Variants in FNDC3A observed in about 807,000 individuals in gnomAD.
FNDC3A encodes fibronectin type III domain containing 3A, also known as fibronectin type-III domain-containing protein 3A.
In FNDC3A, 32 loss-of-function variants were observed where a neutral mutation model predicts 148.9. The ratio of observed to expected loss-of-function variants is 0.21; its 90% CI spans 0.16 to 0.29. The LOEUF (loss-of-function observed/expected upper bound fraction) is 0.29, where lower values mean the gene tolerates loss of function less well. FNDC3A is among the 10% of genes least tolerant of loss of function. The pLI is 1.00. For missense variants in FNDC3A, 1,191 were observed against 1,452.8 expected, an observed-to-expected ratio of 0.82 and a Z score of 2.93; for synonymous variants, 472 against 473.6, an observed-to-expected ratio of 1.00 and a Z score of 0.04.
chr13:48,994,506 C>T (rs1051733781), intron 1 of FNDC3A, among the ~76,000 whole-genome samples: 1 of 152,176 alleles, frequency 6.6e-6, no homozygotes, highest in African/African-American at 2.4e-5. Context: ...TGGTTGAGCG[C>T]AGTGGCTCAC....
rs75222001 is a variant in FNDC3A at position 49,084,073 on chromosome 13, A to G, written c.175+8709A>G. ...TGCTCATGGTAGACCTATAAATAGT[A>G]TATCAACTAGTTAATTTATTAATAC... On this transcript the variant is annotated intron_variant, in intron 3 of 25. Coordinates refer to ENST00000492622, the MANE Select transcript of FNDC3A (RefSeq NM_001079673.2). Among the ~76,000 whole-genome samples, 19 of 152,346 alleles carry G rather than the reference A, an allele frequency of 1.2e-4. No homozygotes were observed. In the East Asian group the frequency reaches 3.5e-3, roughly 28 times the overall value.
At chr13:48,994,430 GGT>G (rs1491578322) in intron 1 of FNDC3A, among the ~76,000 whole-genome samples, 1 of 152,150 alleles carries the variant, frequency 6.6e-6, no homozygotes. Flanking sequence ...GTATGGTAAT[GGT>G]TTTGTAATTA....
intron 8 of FNDC3A, among the ~76,000 whole-genome samples, chr13:49,164,304 T>G (rs1884332674): frequency 6.6e-6 from 1 of 152,204 alleles, no homozygotes; most frequent in African/African-American, 2.4e-5. Flanking sequence ...TTTCTCTTAC[T>G]ATCTTTAGAA....
chr13:49,099,215 A>G (rs1879713601), intron 3 of FNDC3A, among the ~76,000 whole-genome samples: 3 of 152,156 alleles, frequency 2.0e-5, no homozygotes. Flanking sequence ...GTTGACCACC[A>G]TTTTGAATTT....
intron 3 of FNDC3A, among the ~76,000 whole-genome samples, chr13:49,079,598 T>C (rs1175435391): frequency 2.6e-5 from 4 of 152,052 alleles, no homozygotes; most frequent in Non-Finnish European, 4.4e-5. Context: ...CACAAAGAGA[T>C]TGGAATTGCT....
At chr13:49,175,110 TA>T (rs1166510026) in intron 12 of FNDC3A, among the ~76,000 whole-genome samples, 12 of 152,326 alleles carry the variant, frequency 7.9e-5, no homozygotes, top group East Asian at 3.9e-4. Context: ...GTAATGTGTA[TA>T]TTTTTTCATT....
At chr13:49,061,329 C>T (rs1439895472) in intron 2 of FNDC3A, among the ~76,000 whole-genome samples, 1 of 1,250 alleles carries the variant, frequency 8.0e-4, no homozygotes, top group Non-Finnish European at 1.5e-3. Flanking sequence ...CTTCCCTTCC[C>T]TTCCCTTCCC....
chr13:49,007,742 G>A (rs1443611380), intron 2 of FNDC3A, among the ~76,000 whole-genome samples: 1 of 152,026 alleles, frequency 6.6e-6, no homozygotes, highest in African/African-American at 2.4e-5. Context: ...TATAGAGAAA[G>A]GATCTGGGAA....
At chr13:49,139,630 G>C (rs1449212842) in intron 7 of FNDC3A, among the ~76,000 whole-genome samples, 1 of 152,112 alleles carries the variant, frequency 6.6e-6, no homozygotes, top group Non-Finnish European at 1.5e-5. Context: ...CCAAATAATA[G>C]ATTTGGTTGC....
At position 49,150,136 on chromosome 13, in the gene FNDC3A, G is replaced by A. The variant is rs138595650; in HGVS notation, c.977+4201G>A. 6.7e-3 allele frequency among the ~76,000 whole-genome samples: 1,025 copies of A among 152,122 alleles called. 13 individuals are homozygous for A. Among genetic ancestry groups the A allele is most frequent in the East Asian group, 0.055 (283 of 5,170 alleles). ...TTATTTGTTTTAGAGATGGCATCTT[G>A]CGATGTTGCCTAAGCTGGACTCAAA... On this transcript the variant is annotated intron_variant, in intron 8 of 25. Transcript: ENST00000492622.
intron 1 of FNDC3A, among the ~76,000 whole-genome samples, chr13:48,995,088 A>G (rs1412786265): frequency 6.6e-6 from 1 of 152,208 alleles, no homozygotes; most frequent in African/African-American, 2.4e-5. Flanking sequence ...CTTTAAAACA[A>G]CTAATAATAA....
At chr13:49,175,318 A>T in intron 12 of FNDC3A, 49 bp from the exon 13 acceptor site, 1 of 1,341,556 alleles carries the variant, frequency 7.5e-7, no homozygotes, top group Non-Finnish European at 1.0e-6. Flanking sequence ...TTGTTCTTTC[A>T]CTGTAAAAAT....
chr13:49,036,444 T>C (rs971198753), intron 2 of FNDC3A, among the ~76,000 whole-genome samples: 1 of 152,194 alleles, frequency 6.6e-6, no homozygotes, highest in African/African-American at 2.4e-5. Context: ...CACAGAGAGT[T>C]CTGTCAGACA....
chr13:49,196,495 T>C (rs1886162243), intron 19 of FNDC3A, among the ~76,000 whole-genome samples: 1 of 152,146 alleles, frequency 6.6e-6, no homozygotes, highest in Non-Finnish European at 1.5e-5. Context: ...TCGTGAAGTA[T>C]TAAAAAATTA....
intron 8 of FNDC3A, among the ~76,000 whole-genome samples, chr13:49,148,453 A>G (rs1174276146): frequency 6.6e-6 from 1 of 152,160 alleles, no homozygotes; most frequent in Non-Finnish European, 1.5e-5. Flanking sequence ...TCCTAGCAGC[A>G]TTTATTGAGA....
At chr13:49,141,064 GA>G (rs1882663723) in intron 7 of FNDC3A, among the ~76,000 whole-genome samples, 1 of 152,168 alleles carries the variant, frequency 6.6e-6, no homozygotes, top group African/African-American at 2.4e-5. Context: ...CATGTGACCA[GA>G]GTGCAGTGTA....
At chr13:49,012,644 CT>C (rs1952375156) in intron 2 of FNDC3A, among the ~76,000 whole-genome samples, 1 of 152,096 alleles carries the variant, frequency 6.6e-6, no homozygotes, top group African/African-American at 2.4e-5. Flanking sequence ...TTGGTGGCAT[CT>C]TTACAATATT....
chr13:49,116,685 C>G (rs532178432), intron 4 of FNDC3A, among the ~76,000 whole-genome samples: 2 of 151,502 alleles, frequency 1.3e-5, no homozygotes, highest in East Asian at 3.9e-4. Context: ...ACTAGGGAGG[C>G]TAAAGCAGGA....
chr13:49,139,010 GTCAT>G lies in FNDC3A; in HGVS notation c.819+214_819+217del, dbSNP rs201654642. 7.6e-3 allele frequency among the ~76,000 whole-genome samples: 1,156 copies of G among 152,116 alleles called. 18 individuals are homozygous for G. The highest frequency in any genetic ancestry group is 0.026 in the African/African-American group (1,098 of 41,496). ...ATTCTTTGAAGAGCTACATAGTTTT[GTCAT>G]TCATTCATCAAATATTTATTGATCC... On this transcript the variant is annotated intron_variant, in intron 7 of 25. Coordinates refer to ENST00000492622, the MANE Select transcript of FNDC3A (RefSeq NM_001079673.2).
Sources: gnomAD v4.1 joint callset for allele counts (sites outside exome capture counted in the v4.1 genomes callset) on GRCh38, gnomAD v4.1.1 for gene constraint, MANE v1.5 for transcripts, NCBI Gene and HGNC (gene_info 2026-07-23, HGNC 2026-07-21) for gene names.